The following CADM3 variants were observed in gnomAD, a reference collection of about 807,000 sequenced individuals.
CADM3 encodes TSLC1-like 1.
A neutral mutation model predicts 44.9 loss-of-function variants in CADM3; 11 were observed. The ratio of observed to expected loss-of-function variants is 0.25; its 90% CI spans 0.15 to 0.41. The LOEUF is 0.41. Among genes scored for constraint, CADM3 ranks in the 10% least tolerant of loss-of-function variants. The probability of loss-of-function intolerance (pLI) is 1.00; values close to 1 mark genes in which losing one functional copy is unlikely to be tolerated. For synonymous variants in CADM3, 207 were observed against 205.2 expected (o/e 1.01, Z -0.08); for missense variants, 426 against 512.0 (o/e 0.83, Z 1.62).
In CADM3 at chr1:159,199,760, C is replaced by G. The variant is rs777264746; in HGVS notation, c.962C>G (p.Pro321Arg). 1.2e-6 allele frequency: 2 copies of G among 1,614,080 alleles called. No homozygotes were observed. Among genetic ancestry groups the G allele is most frequent in the African/African-American group, 2.7e-5 (2 of 74,998 alleles). Residue 321 changes from proline (P) to arginine (R), a missense_variant, in exon 8 of 9, where the codon CCG becomes CGG. Physicochemically the swap from Pro to Arg is moderately radical, Grantham distance 103. Transcript: ENST00000368125. ...TTGCCCTTTCTTCCAGACCCCAGTC[C>G]GGTGCCCTCCTCCTCCAGCACCTAC... ...YYTLNVNDPS[P>R]VPSSSSTYHA... is the part of the protein sequence containing the mutation.
intron 1 of CADM3, among the ~76,000 whole-genome samples, chr1:159,183,728 C>T (rs990697489): frequency 6.6e-6 from 1 of 152,088 alleles, no homozygotes; most frequent in African/African-American, 2.4e-5. Flanking sequence ...TAACTCCCAC[C>T]CCGTATGGCT....
intron 5 of CADM3, chr1:159,194,664 T>C (rs2852718): frequency 0.089 from 13,551 of 152,270 alleles, 1,751 homozygotes; most frequent in African/African-American, 0.29. Context: ...CTGGCATCAT[T>C]ATTCCCAGAT....
Position 159,200,822 on chromosome 1 carries a change from A to G in CADM3, c.1097A>G (p.Glu366Gly), listed in dbSNP as rs768622355. The G allele has an allele frequency of 6.2e-7, 1 of 1,607,226 alleles. No individual in the cohort carries two copies. The highest frequency in any genetic ancestry group is 8.5e-7 in the Non-Finnish European group (1 of 1,176,530). ...IRHKGTYLTH[E>G]AKGSDDAPDA... Reference sequence around the variant, plus strand: ...TACACAGGAACCTACCTGACACATGAGGCAAAAGGCTCCGACGATGCTCCA... The same window carrying G: ...TACACAGGAACCTACCTGACACATGGGGCAAAAGGCTCCGACGATGCTCCA... Residue 366 changes from glutamate to glycine, a missense_variant, in exon 9 of 9, where the codon GAG (glutamate) becomes GGG (glycine). Physicochemically the swap from Glu to Gly is moderately conservative, Grantham distance 98. Transcript: ENST00000368125.
Position 159,182,302 on chromosome 1 carries a change from C to G in CADM3, c.89-9634C>G, listed in dbSNP as rs568402099. On this transcript the variant is annotated intron_variant, in intron 1 of 8. Coordinates refer to ENST00000368125, the MANE Select transcript of CADM3 (RefSeq NM_001127173.3). ...TACTGGGCATTTAGTAGACTTACTT[C>G]TCTTAAGGTCCACGGTCCTGGAGTT... 7.2e-5 allele frequency among the ~76,000 whole-genome samples: 11 copies of G among 152,332 alleles called. No homozygotes were observed. In the East Asian group the frequency reaches 2.1e-3, roughly 29 times the overall value.
chr1:159,174,300 A>T (rs1361524976), intron 1 of CADM3, among the ~76,000 whole-genome samples: 1 of 152,228 alleles, frequency 6.6e-6, no homozygotes. Context: ...AAATGCATAG[A>T]TTTAATGCTC....
chr1:159,200,025 C>A, intron 8 of CADM3, 149 bp downstream of exon 8: 1 of 987,946 alleles, frequency 1.0e-6, no homozygotes, highest in Admixed American at 2.2e-5. Flanking sequence ...TGGAGCCAAC[C>A]CTATCATTGC....
intron 5 of CADM3, chr1:159,196,149 C>A (rs1376374152): frequency 1.9e-6 from 1 of 536,430 alleles, no homozygotes; most frequent in Non-Finnish European, 3.4e-6. Context: ...GACAGACCTT[C>A]CAGAATCCTA....
At chr1:159,174,824 G>T (rs1648959254) in intron 1 of CADM3, among the ~76,000 whole-genome samples, 1 of 152,150 alleles carries the variant, frequency 6.6e-6, no homozygotes. Flanking sequence ...CCTCTCTCTG[G>T]TGAGCAGCTC....
At chr1:159,188,649 C>CG (rs1210693065) in intron 1 of CADM3, among the ~76,000 whole-genome samples, 1 of 152,082 alleles carries the variant, frequency 6.6e-6, no homozygotes, top group Non-Finnish European at 1.5e-5. Context: ...TTGGCTACTT[C>CG]GGGGCGCTGC....
At chr1:159,184,735 C>T (rs1649352776) in intron 1 of CADM3, among the ~76,000 whole-genome samples, 1 of 152,182 alleles carries the variant, frequency 6.6e-6, no homozygotes, top group South Asian at 2.1e-4. Context: ...AAATTCAAGA[C>T]AATACATTTT....
chr1:159,196,296 C>T, intron 5 of CADM3, 68 bp from the exon 6 acceptor site: 1 of 1,232,850 alleles, frequency 8.1e-7, no homozygotes, highest in South Asian at 1.2e-5. Flanking sequence ...CTGTAGTGTG[C>T]AACTAAGTGA....
Position 159,201,529 on chromosome 1 carries a change from T to A in CADM3, c.*607T>A, listed in dbSNP as rs1571032585. 6.6e-6 allele frequency: 1 copy of A among 152,198 alleles called. No individual in the cohort carries two copies. The highest frequency in any genetic ancestry group is 1.5e-5 in the Non-Finnish European group (1 of 68,112). The allele number at this position is 152,198 out of a possible 1,614,324, so 9.4% of individuals were successfully genotyped here. On this transcript the variant is annotated 3_prime_UTR_variant, in exon 9 of 9. Coordinates refer to ENST00000368125, the MANE Select transcript of CADM3 (RefSeq NM_001127173.3). ...CCTCTCTTCCATAGCAATGGGAAAG[T>A]GATGAGTGCGGGAGTCCTGAGGAGA...
intron 1 of CADM3, chr1:159,190,021 T>C (rs1649585030): frequency 1.6e-6 from 1 of 637,572 alleles, no homozygotes; most frequent in South Asian, 2.0e-5. Context: ...TTTTAGTTCT[T>C]AGTCTGCACC....
At chr1:159,182,094 A>C (rs888937711) in intron 1 of CADM3, among the ~76,000 whole-genome samples, 2 of 151,482 alleles carry the variant, frequency 1.3e-5, no homozygotes, top group African/African-American at 4.9e-5. Flanking sequence ...ACACGCACAC[A>C]CACATGCCAC....
At chr1:159,192,202 G>A (rs935285678) in intron 2 of CADM3, 126 bp downstream of exon 2, 11 of 1,039,022 alleles carry the variant, frequency 1.1e-5, no homozygotes, top group Admixed American at 2.5e-5. Flanking sequence ...GTTTGAGGAT[G>A]TAACAAGCCA....
intron 1 of CADM3, among the ~76,000 whole-genome samples, chr1:159,182,088 G>GCA (rs3830820): frequency 0.28 from 40,594 of 145,734 alleles, 5,647 homozygotes; most frequent in African/African-American, 0.35. Flanking sequence ...ACACACACAC[G>GCA]CACACACACA....
intron 6 of CADM3, 107 bp downstream of exon 6, chr1:159,196,561 T>TC: frequency 2.2e-6 from 2 of 910,046 alleles, no homozygotes; most frequent in Non-Finnish European, 3.4e-6. Flanking sequence ...GACCTGAGCC[T>TC]CTCATTTCCC....
intron 1 of CADM3, among the ~76,000 whole-genome samples, chr1:159,179,977 T>A (rs1649167767): frequency 6.6e-6 from 1 of 152,220 alleles, no homozygotes; most frequent in African/African-American, 2.4e-5. Flanking sequence ...ACTAAGCCCC[T>A]GAGCCTCCCA....
At chr1:159,172,960 A>G (rs1320206139) in intron 1 of CADM3, among the ~76,000 whole-genome samples, 2 of 152,008 alleles carry the variant, frequency 1.3e-5, no homozygotes, top group Non-Finnish European at 2.9e-5. Flanking sequence ...GTCCCTGAGG[A>G]GGGAGGGCAG....
Sources: gnomAD v4.1 joint callset for allele counts (sites outside exome capture counted in the v4.1 genomes callset) on GRCh38, gnomAD v4.1.1 for gene constraint, MANE v1.5 for transcripts, NCBI Gene and HGNC (gene_info 2026-07-23, HGNC 2026-07-21) for gene names.